TEX14: variants seen among roughly 807,000 people sequenced by gnomAD.
TEX14 encodes the protein testis expressed 14, intercellular bridge forming factor, also known as inactive serine/threonine-protein kinase TEX14.
Under a neutral mutation model 178.6 loss-of-function variants are expected in TEX14, and 168 were observed. That is an observed-to-expected ratio of 0.94 (90% CI 0.83 to 1.07). The LOEUF (loss-of-function observed/expected upper bound fraction) is 1.07. Among genes scored for constraint, TEX14 ranks in the 50% least tolerant of loss-of-function variants. The pLI is 0.00. For missense variants in TEX14, 1,730 were observed against 1,753.6 expected (o/e 0.99, Z 0.24); for synonymous variants, 626 against 634.1 (o/e 0.99, Z 0.19).
intron 2 of TEX14, among the ~76,000 whole-genome samples, chr17:58,636,935 A>G (rs1387538941): frequency 6.6e-6 from 1 of 150,774 alleles, no homozygotes; most frequent in Non-Finnish European, 1.5e-5. Flanking sequence ...AGAAAGAAAG[A>G]TTTATTTGGG....
chr17:58,668,383 T>C (rs1050976687), intron 1 of TEX14, among the ~76,000 whole-genome samples: 1 of 152,204 alleles, frequency 6.6e-6, no homozygotes, highest in Admixed American at 6.6e-5. Flanking sequence ...CCTCTTCTAC[T>C]GATGTGCCTG....
At chr17:58,608,318 G>A (rs1357861393) in intron 10 of TEX14, among the ~76,000 whole-genome samples, 3 of 151,976 alleles carry the variant, frequency 2.0e-5, no homozygotes, top group Admixed American at 6.6e-5. Context: ...TTGGGAGGCT[G>A]AGGCAGGAGA....
rs1447032550 is a variant in TEX14, at chr17:58,622,874, C to T, written c.390G>A (p.Leu130=). Residue 130 remains leucine (L), a synonymous_variant, in exon 4 of 32, where the codon TTG becomes TTA. Coordinates refer to ENST00000349033, the MANE Select transcript of TEX14 (RefSeq NM_031272.5). The stretch of plus-strand genomic sequence containing the variant: ...GGGTGCTACGCTCCTTTCCTGCTGT[C>T]AAAGCCCAAGTCTTCGGGTTTTGAC... The part of the protein sequence containing the change: ...ERGQNPKTWA[L]TAGKERSTQI... 2 of 1,611,060 alleles carry T rather than the reference C, an allele frequency of 1.2e-6. No homozygotes were observed. Among genetic ancestry groups the T allele is most frequent in the African/African-American group, 2.7e-5 (2 of 74,884 alleles).
chr17:58,621,900 C>T (rs1020241829), intron 4 of TEX14, 114 bp from the exon 5 acceptor site: 1 of 1,233,914 alleles, frequency 8.1e-7, no homozygotes, highest in East Asian at 2.5e-5. Flanking sequence ...AGAAAAACCT[C>T]TCAAAAGGAA....
chr17:58,630,968 G>A (rs1334135506), intron 2 of TEX14: 1 of 157,708 alleles, frequency 6.3e-6, no homozygotes, highest in Non-Finnish European at 1.4e-5. Flanking sequence ...TTCGACAAGG[G>A]AAAACAAAAC....
chr17:58,581,496 TA>T, intron 19 of TEX14: 3 of 1,205,736 alleles, frequency 2.5e-6, no homozygotes, highest in Non-Finnish European at 3.5e-6. Flanking sequence ...AAAAAAGGTA[TA>T]AAAAATCCTG....
intron 1 of TEX14, among the ~76,000 whole-genome samples, chr17:58,659,515 A>G (rs1435232910): frequency 6.6e-6 from 1 of 152,102 alleles, no homozygotes; most frequent in African/African-American, 2.4e-5. Flanking sequence ...CCCTATCTAC[A>G]TATGCCCGCC....
At chr17:58,617,492 C>A in intron 6 of TEX14, 46 bp downstream of exon 6, 1 of 1,420,518 alleles carries the variant, frequency 7.0e-7, no homozygotes, top group South Asian at 1.2e-5. Context: ...CCCGATGATT[C>A]TCCAGTTAGT....
At chr17:58,587,858 C>CCCCCCCCCCCCCCA in intron 16 of TEX14, 38 bp downstream of exon 16, 1 of 1,256,398 alleles carries the variant, frequency 8.0e-7, no homozygotes, top group Non-Finnish European at 1.2e-6. Flanking sequence ...CCCCCACCCC[C>CCCCCCCCCCCCCCA]GCTCCACCAC....
intron 1 of TEX14, chr17:58,659,459 A>G (rs1388272332): frequency 3.0e-6 from 1 of 333,984 alleles, no homozygotes; most frequent in Non-Finnish European, 4.3e-6. Flanking sequence ...TATTCGCTAG[A>G]AAATTTCTCC....
intron 15 of TEX14, among the ~76,000 whole-genome samples, chr17:58,589,698 T>C (rs1178908060): frequency 6.7e-6 from 1 of 149,446 alleles, no homozygotes; most frequent in Non-Finnish European, 1.5e-5. Flanking sequence ...GCTTCCTTTT[T>C]AAAAAAATAA....
chr17:58,676,394 C>CAA (rs558062877), intron 1 of TEX14, among the ~76,000 whole-genome samples: 3 of 144,868 alleles, frequency 2.1e-5, no homozygotes, highest in Non-Finnish European at 4.6e-5. Context: ...ACCAAAAAAA[C>CAA]AAAAAAAAAC....
rs535175284 is a variant in TEX14 at position 58,635,511 on chromosome 17, C to G, written c.137-4957G>C. Among the ~76,000 whole-genome samples, 6 of 150,392 alleles carry G rather than the reference C, an allele frequency of 4.0e-5. No homozygotes were observed. In the East Asian group the frequency reaches 1.2e-3, roughly 30 times the overall value. On this transcript the variant is annotated intron_variant, in intron 2 of 31. Coordinates refer to ENST00000349033, the MANE Select transcript of TEX14 (RefSeq NM_031272.5). ...GTGGCATGATCTTGGCCCACTGCAT[C>G]CTCTGCCTCCCAGGTTCAAGTGATT...
chr17:58,679,503 C>T (rs949034501), intron 1 of TEX14: 22 of 152,144 alleles, frequency 1.4e-4, no homozygotes, highest in Admixed American at 8.5e-4. Context: ...ATACAACGTA[C>T]GCCTTTTATA....
At chr17:58,570,549 A>G (rs1187409275) in intron 24 of TEX14, 65 bp from the exon 25 acceptor site, 1 of 1,112,940 alleles carries the variant, frequency 9.0e-7, no homozygotes. Flanking sequence ...TATGCAGCTC[A>G]GTCATTTCCA....
intron 18 of TEX14, among the ~76,000 whole-genome samples, 176 bp downstream of exon 18, chr17:58,585,625 T>G (rs991278606): frequency 1.1e-4 from 16 of 145,722 alleles, no homozygotes; most frequent in South Asian, 2.2e-4. Flanking sequence ...TTTTTTTTTT[T>G]TTTTTTTTTT....
chr17:58,577,850 G>A (rs1477754811), intron 20 of TEX14, among the ~76,000 whole-genome samples: 2 of 152,216 alleles, frequency 1.3e-5, no homozygotes, highest in Admixed American at 6.5e-5. Context: ...AAACAGCCCC[G>A]AACTCTAACT....
intron 21 of TEX14, 139 bp from the exon 22 acceptor site, chr17:58,574,388 G>A: frequency 1.5e-6 from 1 of 666,018 alleles, no homozygotes; most frequent in Non-Finnish European, 2.6e-6. Context: ...TAGAAAGTGT[G>A]AGTTCTGTGC....
chr17:58,602,256 T>C, intron 12 of TEX14, 144 bp downstream of exon 12: 2 of 825,776 alleles, frequency 2.4e-6, no homozygotes, highest in Non-Finnish European at 3.8e-6. Context: ...AGTTAGGCTA[T>C]TATCAAGAAC....
Sources: gnomAD v4.1 joint callset for allele counts (sites outside exome capture counted in the v4.1 genomes callset) on GRCh38, gnomAD v4.1.1 for gene constraint, MANE v1.5 for transcripts, NCBI Gene and HGNC (gene_info 2026-07-23, HGNC 2026-07-21) for gene names.